The following CDH8 variants were observed in gnomAD, a reference collection of about 807,000 sequenced individuals.
The protein encoded by CDH8 is cadherin 8, also known as cadherin-8.
Under a neutral mutation model 68.1 loss-of-function variants are expected in CDH8, and 17 were observed. The ratio of observed to expected loss-of-function variants is 0.25; its 90% confidence interval spans 0.17 to 0.37. CDH8 has a LOEUF of 0.37. Ranked by LOEUF, CDH8 falls within the 10% of genes least tolerant of loss-of-function variation. CDH8 has a pLI of 1.00. For missense variants in CDH8, 763 were observed against 999.3 expected (o/e 0.76, Z 3.19); for synonymous variants, 372 against 365.1 (o/e 1.02, Z -0.21).
In CDH8 at chr16:61,652,864, A is replaced by T. The variant is rs775461792; in HGVS notation, c.*744T>A. The stretch of plus-strand genomic sequence containing the variant: ...CAGTTTATCTTTGTGTCCTTGTGGA[A>T]GAAGATGAAGAGGAGGGAACGAGGA... On this transcript the variant is annotated 3_prime_UTR_variant, in exon 12 of 12. Transcript: ENST00000577390. 3.2e-5 allele frequency: 49 copies of T among 1,523,886 alleles called. 1 individual carries two copies. The South Asian group carries it at 6.0e-4, about 19-fold the overall frequency. 94.4% of individuals were successfully genotyped at this position (1,523,886 alleles called of 1,614,324 possible). A position where few individuals can be genotyped will look rare whatever the true frequency, so the allele number is the denominator to read the frequency against.
chr16:61,912,308 G>A (rs536408875), intron 2 of CDH8, among the ~76,000 whole-genome samples: 31 of 152,002 alleles, frequency 2.0e-4, no homozygotes, highest in African/African-American at 7.2e-4. Context: ...GTTTTTTTCT[G>A]TGTCAAAATG....
At chr16:61,867,598 T>C (rs1403440038) in intron 3 of CDH8, among the ~76,000 whole-genome samples, 1 of 152,164 alleles carries the variant, frequency 6.6e-6, no homozygotes, top group Non-Finnish European at 1.5e-5. Flanking sequence ...ATTTGACTAA[T>C]CAGTTTGGAG....
chr16:61,681,016 G>T (rs1246750056), intron 10 of CDH8, among the ~76,000 whole-genome samples: 1 of 151,816 alleles, frequency 6.6e-6, no homozygotes, highest in Non-Finnish European at 1.5e-5. Context: ...TTTAAAAAAA[G>T]GACCGTAAAA....
At position 61,769,997 on chromosome 16, in the gene CDH8, CT is replaced by C. The variant is rs767443910; in HGVS notation, c.1414+19348del. Among the ~76,000 whole-genome samples, 15 of 151,926 alleles carry C rather than the reference CT, an allele frequency of 9.9e-5. No individual in the cohort carries two copies. In the South Asian group the frequency reaches 1.2e-3, roughly 13 times the overall value. ...AGAGGATGTTTGCCCATCTATCACA[CT>C]TAGTAGTATCAAGGAGTAGAGAGAG... is the stretch of plus-strand genomic sequence containing the variant. On this transcript the variant is annotated intron_variant, in intron 8 of 11. Coordinates refer to ENST00000577390, the MANE Select transcript of CDH8 (RefSeq NM_001796.5).
At chr16:62,031,677 AACAC>A (rs10528241) in intron 1 of CDH8, among the ~76,000 whole-genome samples, 1 of 149,924 alleles carries the variant, frequency 6.7e-6, no homozygotes, top group Non-Finnish European at 1.5e-5. Flanking sequence ...CACACCCACA[AACAC>A]ACACACACAC....
At chr16:61,979,845 ACT>A (rs1292951293) in intron 2 of CDH8, among the ~76,000 whole-genome samples, 4 of 152,066 alleles carry the variant, frequency 2.6e-5, no homozygotes, top group African/African-American at 9.7e-5. Context: ...AATGGAGATG[ACT>A]CTTGTCTGAT....
At chr16:61,756,036 G>A (rs1339380681) in intron 8 of CDH8, among the ~76,000 whole-genome samples, 2 of 152,064 alleles carry the variant, frequency 1.3e-5, no homozygotes, top group East Asian at 1.9e-4. Flanking sequence ...GACCAGGCTC[G>A]TCTCAAACTC....
chr16:61,875,195 C>G (rs1277491836), intron 3 of CDH8, among the ~76,000 whole-genome samples: 1 of 150,552 alleles, frequency 6.6e-6, no homozygotes, highest in Admixed American at 6.6e-5. Flanking sequence ...TTTTTTTTTT[C>G]ACATAAAATA....
At position 61,997,024 on chromosome 16, in the gene CDH8, T is replaced by C. The variant is rs190063447; in HGVS notation, c.252+24128A>G. On this transcript the variant is annotated intron_variant, in intron 2 of 11. Coordinates refer to ENST00000577390, the MANE Select transcript of CDH8 (RefSeq NM_001796.5). Reference sequence around the variant, plus strand: ...GTATGTGTGTGTGTGTGTGTGTGTATGTGTGTGTTTAAGTATAATCCTTTT... The same window carrying C: ...GTATGTGTGTGTGTGTGTGTGTGTACGTGTGTGTTTAAGTATAATCCTTTT... Among the ~76,000 whole-genome samples, 46 of 152,226 alleles carry C rather than the reference T, an allele frequency of 3.0e-4. 1 individual carries two copies. In the East Asian group the frequency reaches 8.3e-3, roughly 27 times the overall value.
intron 8 of CDH8, among the ~76,000 whole-genome samples, chr16:61,784,199 G>A (rs990580105): frequency 7.9e-5 from 12 of 151,878 alleles, no homozygotes; most frequent in South Asian, 4.2e-4. Context: ...CCCATCTCAC[G>A]TGCAGAGACA....
chr16:61,951,091 AATCATCATCATCATC>A (rs144502941), intron 2 of CDH8, among the ~76,000 whole-genome samples: 2 of 151,274 alleles, frequency 1.3e-5, no homozygotes, highest in Admixed American at 6.6e-5. Context: ...GATAACTAGT[AATCATCATCATCATC>A]ATCATCATCA....
chr16:61,921,832 C>G (rs1964373115), intron 2 of CDH8, among the ~76,000 whole-genome samples: 2 of 152,236 alleles, frequency 1.3e-5, no homozygotes, highest in Middle Eastern at 3.4e-3. Flanking sequence ...GAGTTCAAGA[C>G]CAGCCTTGCC....
chr16:61,944,032 G>A (rs1050200111), intron 2 of CDH8, among the ~76,000 whole-genome samples: 7 of 152,270 alleles, frequency 4.6e-5, no homozygotes, highest in African/African-American at 1.7e-4. Flanking sequence ...TTTTAGACTG[G>A]GTTTGCATTC....
rs368157229 is a variant in CDH8 at position 61,949,779 on chromosome 16, C to T, written c.253-48306G>A. ...GGCAGATCACTTGATCCCAGGAGTTCGAGACCAACCTGGGCAACATGGCAA... is the reference window on the plus strand; with the variant it reads ...GGCAGATCACTTGATCCCAGGAGTTTGAGACCAACCTGGGCAACATGGCAA... On this transcript the variant is annotated intron_variant, in intron 2 of 11. Coordinates refer to ENST00000577390, the MANE Select transcript of CDH8 (RefSeq NM_001796.5). Among the ~76,000 whole-genome samples the T allele has an allele frequency of 2.5e-4, 38 of 152,070 alleles. 1 individual carries two copies. Among genetic ancestry groups the T allele is most frequent in the African/African-American group, 8.2e-4 (34 of 41,506 alleles).
intron 2 of CDH8, among the ~76,000 whole-genome samples, chr16:61,909,984 T>C (rs1002958647): frequency 6.6e-6 from 1 of 152,178 alleles, no homozygotes; most frequent in South Asian, 2.1e-4. Flanking sequence ...ACAACATGTG[T>C]CAGCCCTATA....
At chr16:61,757,882 G>A (rs558242263) in intron 8 of CDH8, among the ~76,000 whole-genome samples, 1 of 152,270 alleles carries the variant, frequency 6.6e-6, no homozygotes, top group Non-Finnish European at 1.5e-5. Flanking sequence ...AAAATAAATG[G>A]TGATGTTTTT....
At chr16:61,965,177 T>C (rs1390173198) in intron 2 of CDH8, among the ~76,000 whole-genome samples, 2 of 152,230 alleles carry the variant, frequency 1.3e-5, no homozygotes, top group African/African-American at 4.8e-5. Flanking sequence ...TCTGTCTAAC[T>C]AACCGTACAA....
At chr16:61,804,835 C>G (rs536051155) in intron 7 of CDH8, among the ~76,000 whole-genome samples, 1,935 of 78,342 alleles carry the variant, frequency 0.025, 40 homozygotes, top group Non-Finnish European at 0.036. Context: ...CGATAGTTTA[C>G]CAACCAAAAA....
intron 7 of CDH8, among the ~76,000 whole-genome samples, chr16:61,790,336 T>C (rs546594495): frequency 6.6e-6 from 1 of 152,192 alleles, no homozygotes; most frequent in African/African-American, 2.4e-5. Flanking sequence ...ATCTTTTTTA[T>C]ACACCAAGAT....
Sources: gnomAD v4.1 joint callset for allele counts (sites outside exome capture counted in the v4.1 genomes callset) on GRCh38, gnomAD v4.1.1 for gene constraint, MANE v1.5 for transcripts, NCBI Gene and HGNC (gene_info 2026-07-23, HGNC 2026-07-21) for gene names.